The following ANKS3 variants were observed in gnomAD, a reference collection of about 807,000 sequenced individuals.
The protein encoded by ANKS3 is ankyrin repeat and SAM domain-containing protein 3.
In ANKS3, 62 loss-of-function variants were observed where a neutral mutation model predicts 80.7. That is an observed-to-expected ratio of 0.77 (90% CI 0.63 to 0.95). The LOEUF is 0.95. Among genes scored for constraint, ANKS3 ranks in the 40% least tolerant of loss-of-function variants. The probability of loss-of-function intolerance (pLI) is 0.00; values close to 1 mark genes in which losing one functional copy is unlikely to be tolerated. For synonymous variants in ANKS3, 489 were observed against 355.3 expected (o/e 1.38, Z -4.23); for missense variants, 1,150 against 883.6 (o/e 1.30, Z -3.82).
chr16:4,699,353 G>C (rs896995734), intron 11 of ANKS3, 177 bp from the exon 12 acceptor site: 4 of 826,570 alleles, frequency 4.8e-6, no homozygotes, highest in Non-Finnish European at 7.5e-6. Context: ...GATGTTGCAG[G>C]CAGGTGAGTC....
intron 3 of ANKS3, among the ~76,000 whole-genome samples, chr16:4,728,575 C>G (rs2081474149): frequency 6.6e-6 from 1 of 152,122 alleles, no homozygotes; most frequent in African/African-American, 2.4e-5. Context: ...CTCCCTGGGG[C>G]TCTCTTACCA....
At chr16:4,733,762 C>A (rs1046525852) in intron 1 of ANKS3, among the ~76,000 whole-genome samples, 176 bp downstream of exon 1, 1 of 152,164 alleles carries the variant, frequency 6.6e-6, no homozygotes, top group Non-Finnish European at 1.5e-5. Flanking sequence ...TACGTACCCA[C>A]AAAAATTAAA....
intron 7 of ANKS3, among the ~76,000 whole-genome samples, chr16:4,712,197 C>G (rs555623737): frequency 2.0e-5 from 3 of 151,716 alleles, no homozygotes; most frequent in Non-Finnish European, 4.4e-5. Flanking sequence ...ATGGTGAAAC[C>G]CCGTCTCTAC....
intron 6 of ANKS3, among the ~76,000 whole-genome samples, chr16:4,718,436 G>A (rs982437230): frequency 6.6e-6 from 1 of 152,198 alleles, no homozygotes; most frequent in Non-Finnish European, 1.5e-5. Flanking sequence ...TCTCCTGACT[G>A]AGCTGCTGGG....
At chr16:4,699,240 T>C in intron 11 of ANKS3, 64 bp from the exon 12 acceptor site, 1 of 1,574,010 alleles carries the variant, frequency 6.4e-7, no homozygotes, top group Non-Finnish European at 8.6e-7. Flanking sequence ...GACGTTTTCC[T>C]CCACTCGGAG....
intron 6 of ANKS3, 164 bp from the exon 7 acceptor site, chr16:4,714,350 C>T (rs2080661479): frequency 9.5e-7 from 1 of 1,055,114 alleles, no homozygotes; most frequent in African/African-American, 1.6e-5. Context: ...GTCTGCACCG[C>T]AGCCACAAGT....
chr16:4,722,518 G>T (rs1268161800), intron 6 of ANKS3, among the ~76,000 whole-genome samples: 1 of 150,334 alleles, frequency 6.7e-6, no homozygotes, highest in Non-Finnish European at 1.5e-5. Context: ...GGAGGTTGCA[G>T]TGAGCTGAGA....
At chr16:4,699,305 G>A (rs1054963422) in intron 11 of ANKS3, 129 bp from the exon 12 acceptor site, 2 of 1,307,184 alleles carry the variant, frequency 1.5e-6, no homozygotes, top group Admixed American at 2.1e-5. Flanking sequence ...GTGGCGCCCA[G>A]GCTGTCCCCT....
intron 2 of ANKS3, among the ~76,000 whole-genome samples, chr16:4,730,634 A>C (rs1038053028): frequency 6.6e-6 from 1 of 152,190 alleles, no homozygotes; most frequent in Non-Finnish European, 1.5e-5. Flanking sequence ...TGGGAGGCCA[A>C]GGTGGGCAGA....
chr16:4,698,510 G>T lies in ANKS3; in HGVS notation c.1641C>A (p.Asp547Glu), dbSNP rs757612903. The T allele has an allele frequency of 1.2e-5, 18 of 1,564,770 alleles. 1 individual carries two copies. In the South Asian group the frequency reaches 2.1e-4, roughly 18 times the overall value. ...AVVESCLLEQDRAREDLQARL... is the reference protein window; with the variant it reads ...AVVESCLLEQERAREDLQARL... ...GGGCCTGGAGGTCCTCGCGGGCGCG[G>T]TCCTGCTCCAGCAGGCAGCTCTCCA... The change falls in exon 14 of 18, where the codon GAC (aspartate) becomes GAA (glutamate). Residue 547 changes from aspartate to glutamate, a missense_variant. By Grantham distance (45) the Asp-to-Glu change is conservative (BLOSUM62 2). Coordinates refer to ENST00000304283, the MANE Select transcript of ANKS3 (RefSeq NM_133450.4).
At chr16:4,723,636 G>A (rs143448409) in intron 6 of ANKS3, among the ~76,000 whole-genome samples, 1 of 152,330 alleles carries the variant, frequency 6.6e-6, no homozygotes, top group East Asian at 1.9e-4. Flanking sequence ...CAGCAGTACT[G>A]CATTACTTTG....
chr16:4,723,543 C>A (rs967126581), intron 6 of ANKS3, among the ~76,000 whole-genome samples: 5 of 152,242 alleles, frequency 3.3e-5, no homozygotes, highest in Non-Finnish European at 7.3e-5. Context: ...TGGCCTCAGC[C>A]TCCCAAAGTG....
At chr16:4,705,843 A>C (rs1014785380) in intron 7 of ANKS3, among the ~76,000 whole-genome samples, 6 of 152,236 alleles carry the variant, frequency 3.9e-5, no homozygotes, top group Admixed American at 3.9e-4. Flanking sequence ...TCTAATTTGA[A>C]TAAGTAAAAC....
Position 4,714,091 on chromosome 16 carries a change from A to G in ANKS3, c.669T>C (p.Thr223=), listed in dbSNP as rs767511801. 6.2e-7 allele frequency: 1 copy of G among 1,614,148 alleles called. No individual in the cohort carries two copies. The highest frequency in any genetic ancestry group is 1.1e-5 in the South Asian group (1 of 91,074). ...GHMKIVALMD[T]YSPSLPKSLY... The stretch of plus-strand genomic sequence containing the variant: ...GGCTCTTGGGCAGAGAGGGCGAGTA[A>G]GTGTCCATCAAGGCCACGATCTTCA... The change falls in exon 7 of 18, where the codon ACT becomes ACC. Residue 223 remains threonine (T), a synonymous_variant. Transcript: ENST00000304283.
At position 4,696,777 on chromosome 16, in the gene ANKS3, C is replaced by G; in HGVS notation, c.*131G>C. On this transcript the variant is annotated 3_prime_UTR_variant, in exon 18 of 18. Transcript: ENST00000304283. ...TCTTGCCTCTGTCTGCCGGCTGCTC[C>G]CGGGGCCTGATCCTCTGGCCCCCAC... 1.7e-6 allele frequency: 1 copy of G among 572,130 alleles called. No homozygotes were observed. The highest frequency in any genetic ancestry group is 3.1e-6 in the Non-Finnish European group (1 of 319,386). 35.4% of individuals were successfully genotyped at this position (572,130 alleles called of 1,614,324 possible).
chr16:4,724,041 C>T (rs1323669101), intron 6 of ANKS3, among the ~76,000 whole-genome samples: 1 of 152,116 alleles, frequency 6.6e-6, no homozygotes, highest in Non-Finnish European at 1.5e-5. Flanking sequence ...GCCTGGGATA[C>T]AGGGCAACAC....
chr16:4,726,593 G>A, intron 5 of ANKS3, 66 bp downstream of exon 5: 2 of 1,563,448 alleles, frequency 1.3e-6, no homozygotes, highest in Non-Finnish European at 1.7e-6. Context: ...TGCCTCCAGA[G>A]CCACCCTCCT....
intron 6 of ANKS3, among the ~76,000 whole-genome samples, chr16:4,716,672 C>T (rs1425895347): frequency 6.6e-6 from 1 of 152,134 alleles, no homozygotes; most frequent in Admixed American, 6.5e-5. Flanking sequence ...AATCCCAGCA[C>T]TTTGGGGGAC....
intron 5 of ANKS3, 105 bp from the exon 6 acceptor site, chr16:4,724,936 C>T (rs1260103591): frequency 2.2e-6 from 2 of 898,434 alleles, no homozygotes; most frequent in Non-Finnish European, 3.5e-6. Flanking sequence ...TCACCGATCC[C>T]TAAGCGTAGA....
Sources: allele counts gnomAD v4.1 joint callset (sites outside exome capture counted in the v4.1 genomes callset), GRCh38; gene constraint gnomAD v4.1.1; transcripts MANE v1.5; gene names NCBI Gene and HGNC (gene_info 2026-07-23, HGNC 2026-07-21).